Variants in NR2F1-AS1 observed in about 807,000 individuals in gnomAD.
NR2F1-AS1 encodes NR2F1 regulatory antisense RNA 1.
intron 4 of NR2F1-AS1, among the ~76,000 whole-genome samples, chr5:93,524,821 A>C (rs1751576813): frequency 6.6e-6 from 1 of 152,168 alleles, no homozygotes; most frequent in Non-Finnish European, 1.5e-5. Flanking sequence ...AGATTTTGTC[A>C]CCACCAGGCC....
At chr5:93,555,229 A>G (rs573061120) in intron 2 of NR2F1-AS1, among the ~76,000 whole-genome samples, 2 of 152,314 alleles carry the variant, frequency 1.3e-5, no homozygotes, top group Non-Finnish European at 2.9e-5. Flanking sequence ...TCAGTCTAGT[A>G]AGAAATTAAG....
intron 4 of NR2F1-AS1, among the ~76,000 whole-genome samples, chr5:93,541,109 G>A (rs765800833): frequency 6.6e-6 from 1 of 152,116 alleles, no homozygotes; most frequent in Non-Finnish European, 1.5e-5. Flanking sequence ...AATTTTGACT[G>A]AGGTAAGAAA....
At chr5:93,538,829 A>C (rs1232786886) in intron 4 of NR2F1-AS1, among the ~76,000 whole-genome samples, 1 of 152,198 alleles carries the variant, frequency 6.6e-6, no homozygotes, top group Non-Finnish European at 1.5e-5. Context: ...ATAATCAGAA[A>C]TATACCATAG....
chr5:93,442,979 C>A (rs1749608532), intron 4 of NR2F1-AS1, among the ~76,000 whole-genome samples: 2 of 152,206 alleles, frequency 1.3e-5, no homozygotes, highest in Non-Finnish European at 2.9e-5. Context: ...AGCTGAGGGT[C>A]CTCACTGTTA....
At chr5:93,503,342 T>A (rs916236737) in intron 4 of NR2F1-AS1, among the ~76,000 whole-genome samples, 3 of 152,174 alleles carry the variant, frequency 2.0e-5, no homozygotes, top group Admixed American at 6.6e-5. Flanking sequence ...GCATTGGTAT[T>A]GTTACACTGA....
At chr5:93,536,147 T>C (rs550800683) in intron 4 of NR2F1-AS1, among the ~76,000 whole-genome samples, 2 of 152,132 alleles carry the variant, frequency 1.3e-5, no homozygotes, top group African/African-American at 4.8e-5. Context: ...TATATGCTAA[T>C]AGTGAACTAT....
At chr5:93,441,835 T>G (rs547344382) in intron 4 of NR2F1-AS1, among the ~76,000 whole-genome samples, 2 of 152,176 alleles carry the variant, frequency 1.3e-5, no homozygotes, top group Non-Finnish European at 2.9e-5. Flanking sequence ...AAGGCAGTCA[T>G]AATTTTGTAA....
At chr5:93,467,583 G>A (rs1750266773) in intron 4 of NR2F1-AS1, among the ~76,000 whole-genome samples, 1 of 152,134 alleles carries the variant, frequency 6.6e-6, no homozygotes, top group Non-Finnish European at 1.5e-5. Context: ...TACTATTTCA[G>A]TTTCCTCATC....
At chr5:93,457,039 T>A (rs1749963986) in intron 4 of NR2F1-AS1, among the ~76,000 whole-genome samples, 1 of 152,222 alleles carries the variant, frequency 6.6e-6, no homozygotes, top group Admixed American at 6.5e-5. Context: ...GAATATACAA[T>A]CGGGTTTTAC....
rs529490892 is a variant in NR2F1-AS1 at position 93,546,579 on chromosome 5, A to AT, written n.638+7181dup. Among the ~76,000 whole-genome samples, 11 of 152,008 alleles carry AT rather than the reference A, an allele frequency of 7.2e-5. No homozygotes were observed. In the South Asian group the frequency reaches 1.7e-3, roughly 23 times the overall value. On this transcript the variant is annotated intron_variant and non_coding_transcript_variant, in intron 4 of 5. Transcript: ENST00000660523. Reference sequence around the variant, plus strand: ...GGGTCCATAAGTGCTTTTGCATGTCATTTTTTTTCATTACTGGCACATACA... The same window carrying AT: ...GGGTCCATAAGTGCTTTTGCATGTCATTTTTTTTTCATTACTGGCACATACA...
chr5:93,497,525 C>G (rs1750989094), intron 4 of NR2F1-AS1, among the ~76,000 whole-genome samples: 1 of 152,132 alleles, frequency 6.6e-6, no homozygotes, highest in Non-Finnish European at 1.5e-5. Context: ...ATTGAGCTTT[C>G]TGTCTTAATT....
chr5:93,465,982 G>A (rs941599557), intron 4 of NR2F1-AS1, among the ~76,000 whole-genome samples: 1 of 151,974 alleles, frequency 6.6e-6, no homozygotes, highest in Non-Finnish European at 1.5e-5. Flanking sequence ...TAAATGACGA[G>A]TTGATGGGTG....
At chr5:93,535,459 C>T (rs1751819843) in intron 4 of NR2F1-AS1, among the ~76,000 whole-genome samples, 1 of 151,770 alleles carries the variant, frequency 6.6e-6, no homozygotes, top group African/African-American at 2.4e-5. Context: ...TACATGACAA[C>T]ATGAAACTTT....
chr5:93,456,731 C>A (rs1413638408), intron 4 of NR2F1-AS1, among the ~76,000 whole-genome samples: 1 of 151,718 alleles, frequency 6.6e-6, no homozygotes, highest in Admixed American at 6.6e-5. Context: ...GGACCCACGC[C>A]GGCACCGGTC....
At chr5:93,518,717 G>A (rs1751444711) in intron 4 of NR2F1-AS1, among the ~76,000 whole-genome samples, 1 of 151,880 alleles carries the variant, frequency 6.6e-6, no homozygotes, top group African/African-American at 2.4e-5. Flanking sequence ...TATGCATTTT[G>A]AAAGCATTTT....
At chr5:93,497,954 C>T (rs1172187755) in intron 4 of NR2F1-AS1, among the ~76,000 whole-genome samples, 6 of 152,066 alleles carry the variant, frequency 3.9e-5, no homozygotes, top group East Asian at 1.9e-4. Context: ...GCACATATAC[C>T]GTTTTGGCAC....
Position 93,425,760 on chromosome 5 carries a change from T to A in NR2F1-AS1, n.639-30218A>T, listed in dbSNP as rs376027740. Among the ~76,000 whole-genome samples, 9 of 152,178 alleles carry A rather than the reference T, an allele frequency of 5.9e-5. No individual in the cohort carries two copies. In the East Asian group the frequency reaches 1.3e-3, roughly 23 times the overall value. On this transcript the variant is annotated intron_variant and non_coding_transcript_variant, in intron 4 of 5. Transcript: ENST00000660523. ...TTAATTATTCCCTCATACGTTCCCA[T>A]GATCCCTTGCATTGCCTCTATTATA...
At position 93,492,200 on chromosome 5, in the gene NR2F1-AS1, G is replaced by A. The variant is rs576660334; in HGVS notation, n.638+61561C>T. Among the ~76,000 whole-genome samples, 13 of 152,274 alleles carry A rather than the reference G, an allele frequency of 8.5e-5. No homozygotes were observed. In the South Asian group the frequency reaches 2.7e-3, roughly 32 times the overall value. On this transcript the variant is annotated intron_variant and non_coding_transcript_variant, in intron 4 of 5. Transcript: ENST00000660523. ...CACCAACAAATTAGGTAATCTAGAT[G>A]TATGGACAAATTCCTAGAAACACAT...
chr5:93,497,092 CTT>C (rs537229454), intron 4 of NR2F1-AS1, among the ~76,000 whole-genome samples: 1 of 148,268 alleles, frequency 6.7e-6, no homozygotes, highest in Admixed American at 6.8e-5. Flanking sequence ...CAGTAAAGGC[CTT>C]TTTTTTTTCA....
Sources: allele counts gnomAD v4.1 joint callset (sites outside exome capture counted in the v4.1 genomes callset), GRCh38; gene constraint gnomAD v4.1.1; transcripts MANE v1.5; gene names NCBI Gene and HGNC (gene_info 2026-07-23, HGNC 2026-07-21).